The following NTM variants were observed in gnomAD, a reference collection of about 807,000 sequenced individuals.
NTM encodes the protein neurotrimin.
In NTM, 13 loss-of-function variants were observed where a neutral mutation model predicts 42.1. That is an observed-to-expected ratio of 0.31 (90% CI 0.20 to 0.49). The LOEUF (loss-of-function observed/expected upper bound fraction) is 0.49. NTM is among the 20% of genes least tolerant of loss of function. NTM has a pLI of 0.99. For synonymous variants in NTM, 187 were observed against 179.2 expected, an observed-to-expected ratio of 1.04 and a Z score of -0.35; for missense variants, 373 against 452.8, an observed-to-expected ratio of 0.82 and a Z score of 1.60.
chr11:132,221,052 C>T (rs1351620792), intron 4 of NTM, among the ~76,000 whole-genome samples: 1 of 152,102 alleles, frequency 6.6e-6, no homozygotes, highest in Non-Finnish European at 1.5e-5. Context: ...TGTGTAGGAC[C>T]CTCCGAGCAC....
chr11:131,979,326 T>A lies in NTM; in HGVS notation c.167+67678T>A, dbSNP rs963338692. On this transcript the variant is annotated intron_variant, in intron 2 of 8. Transcript: ENST00000683400. The stretch of plus-strand genomic sequence containing the variant: ...GTGGAAGAGGATAAAGCTGTCCAAT[T>A]TTTAGATCTTAGATATTTAAACTAA... Among the ~76,000 whole-genome samples the A allele has an allele frequency of 1.9e-4, 29 of 152,274 alleles. 1 individual carries two copies. Among genetic ancestry groups the A allele is most frequent in the Non-Finnish European group, 3.2e-4 (22 of 68,030 alleles).
intron 2 of NTM, among the ~76,000 whole-genome samples, chr11:132,108,039 G>C (rs990016311): frequency 6.6e-5 from 10 of 152,120 alleles, no homozygotes; most frequent in Admixed American, 3.3e-4. Flanking sequence ...TGTTAATGAT[G>C]CCTACTCCTT....
chr11:131,873,997 A>G (rs1180384201), intron 1 of NTM, among the ~76,000 whole-genome samples: 1 of 119,170 alleles, frequency 8.4e-6, no homozygotes, highest in African/African-American at 2.8e-5. Flanking sequence ...TATATATTAT[A>G]TTTACATATA....
intron 4 of NTM, among the ~76,000 whole-genome samples, chr11:132,267,076 A>G (rs566296856): frequency 9.2e-5 from 14 of 152,258 alleles, no homozygotes; most frequent in South Asian, 2.1e-4. Flanking sequence ...ATGTGCTAGC[A>G]CCTTGTAATA....
At chr11:131,993,309 G>A (rs556839033) in intron 2 of NTM, among the ~76,000 whole-genome samples, 5 of 152,222 alleles carry the variant, frequency 3.3e-5, no homozygotes, top group African/African-American at 7.2e-5. Context: ...GAGGGCTATC[G>A]GGAAGGTGGA....
At chr11:132,236,172 A>G (rs1566545177) in intron 4 of NTM, among the ~76,000 whole-genome samples, 1 of 152,194 alleles carries the variant, frequency 6.6e-6, no homozygotes, top group Admixed American at 6.5e-5. Flanking sequence ...TTCTTTACCA[A>G]GCCTGAGTGA....
chr11:132,107,376 G>A (rs1308155999), intron 2 of NTM, among the ~76,000 whole-genome samples: 2 of 128,772 alleles, frequency 1.6e-5, no homozygotes, highest in African/African-American at 6.4e-5. Flanking sequence ...TTTGAGACAG[G>A]GTTTCAGTCT....
intron 4 of NTM, among the ~76,000 whole-genome samples, chr11:132,215,542 G>T (rs550097461): frequency 6.6e-6 from 1 of 152,200 alleles, no homozygotes; most frequent in Non-Finnish European, 1.5e-5. Flanking sequence ...TGACCATCAG[G>T]TGGAAACGGA....
intron 1 of NTM, among the ~76,000 whole-genome samples, chr11:131,454,239 C>T (rs1950699527): frequency 6.6e-6 from 1 of 152,040 alleles, no homozygotes; most frequent in Non-Finnish European, 1.5e-5. Flanking sequence ...CTTACTATGC[C>T]TAATTTATAA....
chr11:132,336,415 G>A lies in NTM; in HGVS notation c.*1269G>A, dbSNP rs1481794049. On this transcript the variant is annotated 3_prime_UTR_variant, in exon 9 of 9. Coordinates refer to ENST00000683400, the MANE Select transcript of NTM (RefSeq NM_001352005.2). ...AAAAAAAAAAAAAACAACTAATACCGGGCGCAGCATCTTTCCAGGTGTGGC... is the reference window on the plus strand; with the variant it reads ...AAAAAAAAAAAAAACAACTAATACCAGGCGCAGCATCTTTCCAGGTGTGGC... The A allele has an allele frequency of 2.0e-5, 3 of 151,610 alleles. No individual in the cohort carries two copies. Among genetic ancestry groups the A allele is most frequent in the East Asian group, 3.9e-4 (2 of 5,134 alleles). 9.4% of individuals were successfully genotyped at this position (151,610 alleles called of 1,614,324 possible). A position where few individuals can be genotyped will look rare whatever the true frequency, so the allele number is the denominator to read the frequency against.
chr11:131,408,005 T>C (rs184276959), intron 1 of NTM, among the ~76,000 whole-genome samples: 1 of 152,370 alleles, frequency 6.6e-6, no homozygotes, highest in East Asian at 1.9e-4. Context: ...CAGGACTTCT[T>C]ATTGAATTAT....
intron 2 of NTM, among the ~76,000 whole-genome samples, chr11:131,959,108 G>C (rs1173241926): frequency 6.6e-6 from 1 of 152,176 alleles, no homozygotes; most frequent in Non-Finnish European, 1.5e-5. Flanking sequence ...AGGGTGATGT[G>C]TATGGCCCAA....
At chr11:132,007,380 T>C (rs536533169) in intron 2 of NTM, among the ~76,000 whole-genome samples, 203 of 152,296 alleles carry the variant, frequency 1.3e-3, no homozygotes, top group Middle Eastern at 6.8e-3. Flanking sequence ...GATGCCAGGC[T>C]GCACAGCAGG....
chr11:131,874,865 G>A (rs1215826917), intron 1 of NTM, among the ~76,000 whole-genome samples: 1 of 152,158 alleles, frequency 6.6e-6, no homozygotes, highest in African/African-American at 2.4e-5. Flanking sequence ...CGAGGGATAG[G>A]TCTGCAGTAA....
intron 3 of NTM, among the ~76,000 whole-genome samples, chr11:132,195,714 C>T (rs1386359826): frequency 6.6e-6 from 1 of 152,154 alleles, no homozygotes; most frequent in South Asian, 2.1e-4. Context: ...GAAAAGGACT[C>T]CCTATTCAAT....
chr11:132,121,046 C>T (rs933899691), intron 2 of NTM, among the ~76,000 whole-genome samples: 1 of 152,156 alleles, frequency 6.6e-6, no homozygotes, highest in African/African-American at 2.4e-5. Context: ...CCTTGATATG[C>T]TCATCTGGTT....
rs117403013 is a variant in NTM at position 131,610,490 on chromosome 11, C to T, written c.82+239602C>T. Among the ~76,000 whole-genome samples the T allele has an allele frequency of 5.7e-3, 873 of 152,292 alleles. 4 individuals carry two copies. Among genetic ancestry groups the T allele is most frequent in the Middle Eastern group, 0.017 (5 of 294 alleles). On this transcript the variant is annotated intron_variant, in intron 1 of 8. Transcript: ENST00000683400. ...TCAACCCAGCTGGGCAGGCGAGATC[C>T]ACAGTTTCATTTAGAAGAAGACTGT...
chr11:131,921,623 T>C (rs763697152), intron 2 of NTM, among the ~76,000 whole-genome samples: 5 of 152,124 alleles, frequency 3.3e-5, no homozygotes, highest in Admixed American at 6.5e-5. Flanking sequence ...TAAATAATAG[T>C]AACAATCTTG....
chr11:132,330,243 T>C, intron 8 of NTM, 58 bp downstream of exon 8: 1 of 1,532,630 alleles, frequency 6.5e-7, no homozygotes, highest in Admixed American at 2.0e-5. Flanking sequence ...GTAAAACTCT[T>C]CACCTTCCTC....
Sources: allele counts gnomAD v4.1 joint callset (sites outside exome capture counted in the v4.1 genomes callset), GRCh38; gene constraint gnomAD v4.1.1; transcripts MANE v1.5; gene names NCBI Gene and HGNC (gene_info 2026-07-23, HGNC 2026-07-21).